The following CEP350 variants were observed in gnomAD, a reference collection of about 807,000 sequenced individuals.
CEP350 encodes centrosomal protein 350.
A neutral mutation model predicts 331.8 loss-of-function variants in CEP350; 126 were observed. The ratio of observed to expected loss-of-function variants is 0.38; its 90% CI spans 0.33 to 0.44. The LOEUF is 0.44. Ranked by LOEUF, CEP350 falls within the 20% of genes least tolerant of loss-of-function variation. CEP350 has a pLI of 1.00. For missense variants in CEP350, 3,406 were observed against 3,634.6 expected (o/e 0.94, Z 1.62); for synonymous variants, 1,200 against 1,259.5 (o/e 0.95, Z 1.00).
intron 29 of CEP350, among the ~76,000 whole-genome samples, chr1:180,079,663 C>T (rs184765838): frequency 2.0e-5 from 3 of 151,674 alleles, no homozygotes; most frequent in African/African-American, 2.4e-5. Context: ...TCTTTTATTC[C>T]GTAAATTTCT....
intron 6 of CEP350, 83 bp from the exon 7 acceptor site, chr1:180,003,091 T>G: frequency 1.2e-6 from 1 of 831,076 alleles, no homozygotes; most frequent in Non-Finnish European, 1.9e-6. Context: ...GTATGTCGAT[T>G]ATATATCACT....
intron 21 of CEP350, among the ~76,000 whole-genome samples, chr1:180,044,822 TATA>T (rs1434785764): frequency 2.0e-4 from 30 of 148,112 alleles, no homozygotes; most frequent in Non-Finnish European, 4.0e-4. Flanking sequence ...AAACTTAAAG[TATA>T]ATAATAATAA....
At chr1:180,076,291 A>G (rs925860347) in intron 28 of CEP350, among the ~76,000 whole-genome samples, 1 of 152,218 alleles carries the variant, frequency 6.6e-6, no homozygotes, top group Non-Finnish European at 1.5e-5. Context: ...TGTCCATAAA[A>G]GGACAGTATC....
intron 1 of CEP350, among the ~76,000 whole-genome samples, chr1:179,981,766 G>C (rs1652285966): frequency 6.6e-6 from 1 of 152,140 alleles, no homozygotes; most frequent in Non-Finnish European, 1.5e-5. Flanking sequence ...TTTAGGCTGA[G>C]GTGGGAGGAT....
At chr1:180,042,548 G>A (rs1306360736) in intron 19 of CEP350, among the ~76,000 whole-genome samples, 3 of 152,130 alleles carry the variant, frequency 2.0e-5, no homozygotes, top group African/African-American at 7.2e-5. Context: ...CCTTTCTCAA[G>A]AAAATTAAAA....
At chr1:180,059,222 C>T (rs765759619) in intron 25 of CEP350, among the ~76,000 whole-genome samples, 16 of 152,148 alleles carry the variant, frequency 1.1e-4, no homozygotes, top group Non-Finnish European at 2.2e-4. Flanking sequence ...GAAACTCTGG[C>T]CTCTAAGACC....
Position 180,020,230 on chromosome 1 carries a change from A to C in CEP350, c.2456A>C (p.Lys819Thr), listed in dbSNP as rs1177724647. The change falls in exon 12 of 38, where the codon AAG (lysine) becomes ACG (threonine). Residue 819 changes from lysine (K) to threonine (T), a missense_variant. Transcript: ENST00000367607. ...ALLKPSASQY[K>T]SKLDRIEALK... ...TTAAAACCTAGTGCCAGCCAATATA[A>C]GAGTAAACTGGATCGTATTGAAGCC... is the stretch of plus-strand genomic sequence containing the variant. 1 of 1,613,958 alleles carries C rather than the reference A, an allele frequency of 6.2e-7. No homozygotes were observed. The highest frequency in any genetic ancestry group is 1.3e-5 in the African/African-American group (1 of 74,964).
chr1:180,026,250 G>A (rs1655664718), intron 14 of CEP350, among the ~76,000 whole-genome samples: 1 of 150,348 alleles, frequency 6.7e-6, no homozygotes, highest in Non-Finnish European at 1.5e-5. Context: ...CAGCCTGGGC[G>A]ACAGAGTGAG....
In CEP350 at chr1:180,090,722, C is replaced by T. The variant is rs1207849961; in HGVS notation, c.6434C>T (p.Thr2145Met). 15 of 1,549,200 alleles carry T rather than the reference C, an allele frequency of 9.7e-6. No individual in the cohort carries two copies. The highest frequency in any genetic ancestry group is 1.7e-4 in the Middle Eastern group (1 of 5,998). ...TAATTTTTACACGTCAGATCTGAAA[C>T]GGCAAAGAATTGGAAATCACTAACA... ...KPLTPLHRSE[T>M]AKNWKSLTES... The change falls in exon 33 of 38, where the codon ACG (threonine) becomes ATG (methionine). Residue 2145 changes from threonine to methionine, a missense_variant. Physicochemically the swap from Thr to Met is moderately conservative, Grantham distance 81. Coordinates refer to ENST00000367607, the MANE Select transcript of CEP350 (RefSeq NM_014810.5).
chr1:180,087,506 TA>T (rs1659937037), intron 31 of CEP350, 71 bp from the exon 32 acceptor site: 2 of 1,333,292 alleles, frequency 1.5e-6, no homozygotes, highest in African/African-American at 3.0e-5. Flanking sequence ...TACCTTAAAA[TA>T]TACTATTTTA....
chr1:180,072,916 A>G (rs2149052800), intron 27 of CEP350, among the ~76,000 whole-genome samples: 1 of 152,328 alleles, frequency 6.6e-6, no homozygotes, highest in African/African-American at 2.4e-5. Context: ...TGCTCTGTCA[A>G]AGAGAATTAA....
At chr1:179,997,807 T>G (rs889492362) in intron 6 of CEP350, among the ~76,000 whole-genome samples, 1 of 152,190 alleles carries the variant, frequency 6.6e-6, no homozygotes, top group African/African-American at 2.4e-5. Context: ...AGGAATTATT[T>G]CAAAAGTAAT....
chr1:180,054,008 TG>T, intron 24 of CEP350, 74 bp downstream of exon 24: 1 of 1,203,728 alleles, frequency 8.3e-7, no homozygotes, highest in Non-Finnish European at 1.1e-6. Context: ...AAGATTTTTT[TG>T]TTTCCTCATT....
Position 180,020,280 on chromosome 1 carries a change from T to C in CEP350, c.2506T>C (p.Ser836Pro), listed in dbSNP as rs1315546983. Residue 836 changes from serine to proline, a missense_variant, in exon 12 of 38, where the codon TCC becomes CCC. Coordinates refer to ENST00000367607, the MANE Select transcript of CEP350 (RefSeq NM_014810.5). The part of the protein sequence containing the change: ...EALKATAASL[S>P]SRIESEAKKL... ...CTTGAAAGCAACAGCTGCTTCTTTG[T>C]CCAGCAGAATTGAAAGTGAAGCCAA... The C allele has an allele frequency of 2.5e-6, 4 of 1,614,046 alleles. No individual in the cohort carries two copies. In the Admixed American group the frequency reaches 5.0e-5, roughly 20 times the overall value.
intron 8 of CEP350, among the ~76,000 whole-genome samples, chr1:180,008,701 C>G (rs924411272): frequency 2.0e-5 from 3 of 152,182 alleles, no homozygotes; most frequent in Non-Finnish European, 2.9e-5. Context: ...CAAGATGCAT[C>G]TAGCCCCTGC....
At chr1:180,109,178 G>A (rs1028717196) in intron 37 of CEP350, among the ~76,000 whole-genome samples, 2 of 150,640 alleles carry the variant, frequency 1.3e-5, no homozygotes, top group Non-Finnish European at 2.9e-5. Context: ...GAGTGCAGTG[G>A]CGCAATCTTG....
intron 28 of CEP350, among the ~76,000 whole-genome samples, chr1:180,075,836 A>T (rs1031412545): frequency 1.3e-5 from 2 of 152,094 alleles, no homozygotes; most frequent in Admixed American, 1.3e-4. Flanking sequence ...ACACACCTGT[A>T]ATCCCAGCTA....
At chr1:180,102,680 G>A (rs965884918) in intron 37 of CEP350, among the ~76,000 whole-genome samples, 7 of 152,112 alleles carry the variant, frequency 4.6e-5, no homozygotes, top group Non-Finnish European at 7.3e-5. Flanking sequence ...GAGCTCGGTT[G>A]CATCTACCTA....
intron 8 of CEP350, among the ~76,000 whole-genome samples, chr1:180,009,247 C>T (rs1164813049): frequency 2.0e-5 from 3 of 152,182 alleles, no homozygotes; most frequent in Non-Finnish European, 4.4e-5. Flanking sequence ...TGGCCTCAAG[C>T]GATCCGCCTG....
Sources: allele counts gnomAD v4.1 joint callset (sites outside exome capture counted in the v4.1 genomes callset), GRCh38; gene constraint gnomAD v4.1.1; transcripts MANE v1.5; gene names NCBI Gene and HGNC (gene_info 2026-07-23, HGNC 2026-07-21).